RRN3: variants seen among roughly 807,000 people sequenced by gnomAD.
RRN3 encodes RNA polymerase I-specific transcription initiation factor RRN3.
A neutral mutation model predicts 82.3 loss-of-function variants in RRN3; 38 were observed. That is an observed-to-expected ratio of 0.46 (90% CI 0.36 to 0.61). The LOEUF (loss-of-function observed/expected upper bound fraction) is 0.61. Among genes scored for constraint, RRN3 ranks in the 20% least tolerant of loss-of-function variants. RRN3 has a pLI of 0.00. For missense variants in RRN3, 726 were observed against 793.1 expected (o/e 0.92, Z 1.02); for synonymous variants, 284 against 284.3 (o/e 1.00, Z 0.01).
rs1221194805 is a variant in RRN3 at position 15,075,394 on chromosome 16, G to A, written c.859-533C>T. Among the ~76,000 whole-genome samples the A allele has an allele frequency of 2.6e-5, 4 of 152,192 alleles. No individual in the cohort carries two copies. The East Asian group carries it at 5.8e-4, about 22-fold the overall frequency. ...TTGAGACCAGCCTGGGCAACACAGT[G>A]AGACCTGTCTCTACAAAAATAGAAA... On this transcript the variant is annotated intron_variant, in intron 10 of 17. Coordinates refer to ENST00000198767, the MANE Select transcript of RRN3 (RefSeq NM_018427.5).
At chr16:15,079,533 A>G (rs941019220) in intron 9 of RRN3, among the ~76,000 whole-genome samples, 2 of 152,156 alleles carry the variant, frequency 1.3e-5, no homozygotes, top group East Asian at 3.8e-4. Context: ...AACTGTCTAC[A>G]ACTCCCAGCA....
intron 9 of RRN3, among the ~76,000 whole-genome samples, chr16:15,079,003 A>T (rs1235980726): frequency 2.0e-5 from 3 of 151,796 alleles, no homozygotes; most frequent in Non-Finnish European, 2.9e-5. Context: ...AGTGAGACAG[A>T]GTTTCACCAT....
At chr16:15,062,433 A>G (rs2044751737) in intron 17 of RRN3, among the ~76,000 whole-genome samples, 1 of 152,182 alleles carries the variant, frequency 6.6e-6, no homozygotes, top group Admixed American at 6.5e-5. Flanking sequence ...AACAACAACA[A>G]AAAAGCCATC....
At chr16:15,073,675 G>A (rs1039321868) in intron 11 of RRN3, among the ~76,000 whole-genome samples, 1 of 152,160 alleles carries the variant, frequency 6.6e-6, no homozygotes, top group Non-Finnish European at 1.5e-5. Context: ...TCATTTTACT[G>A]TTAGTAAACA....
In RRN3 at chr16:15,092,538, C is replaced by T. The variant is rs2046176569; in HGVS notation, c.166G>A (p.Val56Met). Reference sequence around the variant, plus strand: ...TTGTACTTCAGCAAGACTTCTGTCACAGTTCCACCAAACCGAACAGTTTTT... The same window carrying T: ...TTGTACTTCAGCAAGACTTCTGTCATAGTTCCACCAAACCGAACAGTTTTT... The part of the protein sequence containing the change: ...PRKTVRFGGT[V>M]TEVLLKYKKG... Residue 56 changes from valine (V) to methionine (M), a missense_variant, in exon 2 of 18, where the codon GTG (valine) becomes ATG (methionine). Physicochemically the swap from Val to Met is conservative, Grantham distance 21. Around this residue, in one of 4 missense-constraint regions of RRN3, gnomAD observed 135 missense variants for 87.4 expected, o/e 1.55. Transcript: ENST00000198767. 6.2e-7 allele frequency: 1 copy of T among 1,613,102 alleles called. No individual in the cohort carries two copies. Among genetic ancestry groups the T allele is most frequent in the Admixed American group, 1.7e-5 (1 of 59,988 alleles).
chr16:15,061,814 G>A lies in RRN3; in HGVS notation c.1886C>T (p.Thr629Met), dbSNP rs755227377. ...VIGITPSSFD[T>M]HFRSPSSSVG... The stretch of plus-strand genomic sequence containing the variant: ...ACTACTTGAAGGACTTCGGAAATGC[G>A]TGTCAAAGGAGCTTGGTGTGATCCC... Residue 629 changes from threonine (T) to methionine (M), a missense_variant, in exon 18 of 18, where the codon ACG becomes ATG. Physicochemically the swap from Thr to Met is moderately conservative, Grantham distance 81. Around this residue, in one of 4 missense-constraint regions of RRN3, gnomAD observed 166 missense variants for 154.8 expected, o/e 1.07. Coordinates refer to ENST00000198767, the MANE Select transcript of RRN3 (RefSeq NM_018427.5). The A allele has an allele frequency of 3.5e-5, 56 of 1,614,146 alleles. No homozygotes were observed. The highest frequency in any genetic ancestry group is 1.5e-4 in the Admixed American group (9 of 60,028).
At chr16:15,077,298 G>A (rs917336458) in intron 9 of RRN3, among the ~76,000 whole-genome samples, 9 of 152,052 alleles carry the variant, frequency 5.9e-5, no homozygotes, top group Non-Finnish European at 1.3e-4. Flanking sequence ...ATCTTGAATC[G>A]TACTCCTCCT....
At chr16:15,082,840 A>G (rs924732058) in intron 8 of RRN3, among the ~76,000 whole-genome samples, 4 of 152,226 alleles carry the variant, frequency 2.6e-5, no homozygotes, top group African/African-American at 9.6e-5. Flanking sequence ...AAACTTAAGC[A>G]GAATTCTTCT....
chr16:15,073,202 C>G, intron 11 of RRN3, 122 bp from the exon 12 acceptor site: 1 of 1,124,804 alleles, frequency 8.9e-7, no homozygotes, highest in Non-Finnish European at 1.3e-6. Context: ...ACAGTGGCTC[C>G]TGCCTGCAAT....
At chr16:15,090,725 A>C (rs1322225145) in intron 3 of RRN3, among the ~76,000 whole-genome samples, 1 of 152,236 alleles carries the variant, frequency 6.6e-6, no homozygotes, top group Non-Finnish European at 1.5e-5. Flanking sequence ...TTGGAATTTC[A>C]TTCCAGGCAA....
rs1270834063 is a variant in RRN3 at position 15,074,759 on chromosome 16, C to T, written c.961G>A (p.Val321Ile). Residue 321 changes from valine (V) to isoleucine (I), a missense_variant, in exon 11 of 18, where the codon GTT becomes ATT. Coordinates refer to ENST00000198767, the MANE Select transcript of RRN3 (RefSeq NM_018427.5). ...CAGACATCCTTCATGTAGGACAAAA[C>T]CAAAGACATCAGGATGTCCAGGCGC... Reference protein sequence around the residue: ...AERLDILMSLVLSYMKDVCYV... With the variant: ...AERLDILMSLILSYMKDVCYV... 3.7e-6 allele frequency: 6 copies of T among 1,614,038 alleles called. No homozygotes were observed. Among genetic ancestry groups the T allele is most frequent in the Non-Finnish European group, 5.1e-6 (6 of 1,179,988 alleles).
At chr16:15,063,536 A>G (rs559443409) in intron 16 of RRN3, among the ~76,000 whole-genome samples, 1 of 151,932 alleles carries the variant, frequency 6.6e-6, no homozygotes, top group African/African-American at 2.4e-5. Flanking sequence ...GTGAAACCCC[A>G]TCTCTACTAA....
At chr16:15,063,704 C>CAA (rs10664930) in intron 16 of RRN3, among the ~76,000 whole-genome samples, 12,857 of 88,406 alleles carry the variant, frequency 0.15, 1,127 homozygotes, top group Non-Finnish European at 0.16. Context: ...GACTCTGTCT[C>CAA]AAAAAAAAAA....
At position 15,068,155 on chromosome 16, in the gene RRN3, C is replaced by T. The variant is rs765152458; in HGVS notation, c.1553+14G>A. ...TTTTAAATAACTCCCATCAAGAAAG[C>T]GTAAATAACTTACTTTGTGATTGCA... On this transcript the variant is annotated intron_variant, in intron 15 of 17. Transcript: ENST00000198767. 6.3e-5 allele frequency: 96 copies of T among 1,517,308 alleles called. No homozygotes were observed. Among genetic ancestry groups the T allele is most frequent in the Non-Finnish European group, 8.0e-5 (90 of 1,119,484 alleles). 94.0% of individuals were successfully genotyped at this position (1,517,308 alleles called of 1,614,324 possible).
chr16:15,077,763 C>G (rs1013175345), intron 9 of RRN3, among the ~76,000 whole-genome samples: 1 of 152,228 alleles, frequency 6.6e-6, no homozygotes, highest in Non-Finnish European at 1.5e-5. Context: ...ACTGCTTGAA[C>G]CCCGGAGGTG....
Position 15,061,681 on chromosome 16 carries a change from G to T in RRN3, c.*63C>A. On this transcript the variant is annotated 3_prime_UTR_variant, in exon 18 of 18. Transcript: ENST00000198767. ...CAATGCCCAATGGCACAAGCTGGGT[G>T]CTGAGGGCATGACAAGTGATGGGGA... 1 of 1,504,060 alleles carries T rather than the reference G, an allele frequency of 6.6e-7. No homozygotes were observed. The highest frequency in any genetic ancestry group is 9.2e-7 in the Non-Finnish European group (1 of 1,091,124). The allele number at this position is 1,504,060 out of a possible 1,614,324, so 93.2% of individuals were successfully genotyped here.
chr16:15,062,600 C>A (rs978323126), intron 17 of RRN3, among the ~76,000 whole-genome samples: 4 of 152,222 alleles, frequency 2.6e-5, no homozygotes, highest in Non-Finnish European at 5.9e-5. Context: ...CTTCACCACC[C>A]ATTCATGAAG....
Position 15,061,554 on chromosome 16 carries a change from G to C in RRN3, c.*190C>G. ...ATGATAGTCTTCATTTTGTCTGTAA[G>C]GGGAACAACAACAACAAAAAAACCC... On this transcript the variant is annotated 3_prime_UTR_variant, in exon 18 of 18. Transcript: ENST00000198767. The C allele has an allele frequency of 2.1e-6, 1 of 482,516 alleles. No individual in the cohort carries two copies. Among genetic ancestry groups the C allele is most frequent in the Non-Finnish European group, 3.7e-6 (1 of 269,586 alleles). The allele number at this position is 482,516 out of a possible 1,614,324, so 29.9% of individuals were successfully genotyped here.
At chr16:15,086,506 G>A (rs1304180298) in intron 3 of RRN3, 52 bp from the exon 4 acceptor site, 12 of 1,606,302 alleles carry the variant, frequency 7.5e-6, no homozygotes, top group Non-Finnish European at 1.0e-5. Context: ...TAACATAACA[G>A]AAATTTACAG....
Sources: gnomAD v4.1 joint callset for allele counts (sites outside exome capture counted in the v4.1 genomes callset) on GRCh38, gnomAD v4.1.1 for gene constraint, gnomAD v4.1.1 regional missense constraint, MANE v1.5 for transcripts, NCBI Gene and HGNC (gene_info 2026-07-23, HGNC 2026-07-21) for gene names.